The following PDGFB variants were observed in gnomAD, a reference collection of about 807,000 sequenced individuals.
The protein encoded by PDGFB is platelet derived growth factor subunit B, also known as platelet-derived growth factor subunit B.
Under a neutral mutation model 29.0 loss-of-function variants are expected in PDGFB, and 6 were observed. The observed-to-expected ratio is 0.21, with a 90% CI of 0.11 to 0.41. PDGFB has a LOEUF of 0.41. Ranked by LOEUF, PDGFB falls within the 10% of genes least tolerant of loss-of-function variation. PDGFB has a pLI of 1.00. For missense variants in PDGFB, 299 were observed against 341.8 expected (o/e 0.87, Z 0.99); for synonymous variants, 144 against 140.8 (o/e 1.02, Z -0.16).
intron 1 of PDGFB, among the ~76,000 whole-genome samples, chr22:39,238,978 A>C (rs1932507712): frequency 6.6e-6 from 1 of 152,240 alleles, no homozygotes; most frequent in African/African-American, 2.4e-5. Flanking sequence ...CCTGTAGCGG[A>C]GGAAAGAGCA....
chr22:39,229,185 G>A (rs1338638773), intron 5 of PDGFB, among the ~76,000 whole-genome samples: 2 of 151,958 alleles, frequency 1.3e-5, no homozygotes, highest in Non-Finnish European at 2.9e-5. Context: ...TCATCTAATC[G>A]TATTAATCAT....
chr22:39,224,097 T>C lies in PDGFB; in HGVS notation c.*1245A>G, dbSNP rs1170818048. 2 of 152,238 alleles carry C rather than the reference T, an allele frequency of 1.3e-5. No individual in the cohort carries two copies. Among genetic ancestry groups the C allele is most frequent in the Non-Finnish European group, 2.9e-5 (2 of 68,086 alleles). 9.4% of individuals were successfully genotyped at this position (152,238 alleles called of 1,614,324 possible). A position where few individuals can be genotyped will look rare whatever the true frequency, so the allele number is the denominator to read the frequency against. On this transcript the variant is annotated 3_prime_UTR_variant, in exon 7 of 7. Transcript: ENST00000331163. The stretch of plus-strand genomic sequence containing the variant: ...AGGGCAGTTGCTGGAGCAGAGGACT[T>C]TGGGAAATGGAGGTCATGTGGACAG...
chr22:39,244,281 G>C lies in PDGFB; in HGVS notation c.-318C>G, dbSNP rs1372805291. 2 of 222,404 alleles carry C rather than the reference G, an allele frequency of 9.0e-6. No individual in the cohort carries two copies. Among genetic ancestry groups the C allele is most frequent in the Non-Finnish European group, 1.8e-5 (2 of 112,138 alleles). The allele number at this position is 222,404 out of a possible 1,614,324, so 13.8% of individuals were successfully genotyped here. ...CGCGAACCAGCCGAGGCGTCTAGCC[G>C]TGTGGGGGCGCCCAGGGGACTCCAA... On this transcript the variant is annotated 5_prime_UTR_variant, in exon 1 of 7. Coordinates refer to ENST00000331163, the MANE Select transcript of PDGFB (RefSeq NM_002608.4). The surrounding 1 kb of genome is among the most constrained non-coding windows in gnomAD (Gnocchi z 4.5).
At chr22:39,228,549 T>A (rs1932220437) in intron 5 of PDGFB, among the ~76,000 whole-genome samples, 1 of 151,928 alleles carries the variant, frequency 6.6e-6, no homozygotes, top group East Asian at 1.9e-4. Context: ...GCTATGATCA[T>A]GCCATTGCAC....
chr22:39,238,176 C>T (rs138089594), intron 1 of PDGFB, among the ~76,000 whole-genome samples: 107 of 152,236 alleles, frequency 7.0e-4, no homozygotes, highest in African/African-American at 2.5e-3. Context: ...TGTGAAAGAG[C>T]CCAGGATAGG....
At chr22:39,236,379 C>A (rs1932442472) in intron 1 of PDGFB, among the ~76,000 whole-genome samples, 1 of 152,204 alleles carries the variant, frequency 6.6e-6, no homozygotes, top group Non-Finnish European at 1.5e-5. Flanking sequence ...CTCCTGGGTA[C>A]AAGAGGTGCT....
chr22:39,237,041 C>T (rs913400722), intron 1 of PDGFB, among the ~76,000 whole-genome samples: 2 of 152,056 alleles, frequency 1.3e-5, no homozygotes, highest in Admixed American at 6.6e-5. Flanking sequence ...TTCCCGGAGC[C>T]GAAGGTCGGG....
rs956302655 is a variant in PDGFB, at chr22:39,231,575, C to T, written c.456+47G>A. On this transcript the variant is annotated intron_variant, in intron 4 of 6. Transcript: ENST00000331163. The surrounding 1 kb of genome is among the most constrained non-coding windows in gnomAD (Gnocchi z 4.3). ...GGTATGAGCCCCAGAAGGGTGGTCT[C>T]CACCCACCACCGGGACCAGCCTCGG... The T allele has an allele frequency of 7.2e-7, 1 of 1,397,668 alleles. No homozygotes were observed. The highest frequency in any genetic ancestry group is 2.1e-5 in the Admixed American group (1 of 47,320). 86.6% of individuals were successfully genotyped at this position (1,397,668 alleles called of 1,614,324 possible).
In PDGFB at chr22:39,231,859, T is replaced by C. The variant is rs1932316833; in HGVS notation, c.251-32A>G. 3.1e-6 allele frequency: 5 copies of C among 1,589,452 alleles called. No individual in the cohort carries two copies. The South Asian group carries it at 5.6e-5, about 18-fold the overall frequency. On this transcript the variant is annotated intron_variant, in intron 3 of 6. Coordinates refer to ENST00000331163, the MANE Select transcript of PDGFB (RefSeq NM_002608.4). This position sits in a 1 kb window ranked among gnomAD's most constrained non-coding sequence, Gnocchi z 4.3. ...GGAGACGAAACCTGGGTCAGGAGCGTAGGCCTGTCCAGAGTCCCCCCACTT... is the reference window on the plus strand; with the variant it reads ...GGAGACGAAACCTGGGTCAGGAGCGCAGGCCTGTCCAGAGTCCCCCCACTT...
intron 4 of PDGFB, among the ~76,000 whole-genome samples, chr22:39,230,445 A>T (rs1932272304): frequency 6.6e-6 from 1 of 152,162 alleles, no homozygotes; most frequent in African/African-American, 2.4e-5. Flanking sequence ...AGCCCTCCCG[A>T]CCTGGGGCCC....
chr22:39,230,371 G>T lies in PDGFB; in HGVS notation c.457-143C>A, dbSNP rs868162805. On this transcript the variant is annotated intron_variant, in intron 4 of 6. Transcript: ENST00000331163. ...CCGGAGAGCAGGCTGTGGGGCAAAA[G>T]CTTTGGCCCAAACAATAGCAGGACC... 5 of 744,022 alleles carry T rather than the reference G, an allele frequency of 6.7e-6. No homozygotes were observed. In the East Asian group the frequency reaches 8.0e-5, roughly 12 times the overall value. The allele number at this position is 744,022 out of a possible 1,614,324, so 46.1% of individuals were successfully genotyped here.
Position 39,244,014 on chromosome 22 carries a change from G to T in PDGFB, c.-51C>A. On this transcript the variant is annotated 5_prime_UTR_variant, in exon 1 of 7. Transcript: ENST00000331163. The surrounding 1 kb of genome is among the most constrained non-coding windows in gnomAD (Gnocchi z 4.5). Reference sequence around the variant, plus strand: ...GGCCCCGGACGCGTAGATCGAGCGCGCCGCCCCCGCGGCCAGGGTGGGGGG... The same window carrying T: ...GGCCCCGGACGCGTAGATCGAGCGCTCCGCCCCCGCGGCCAGGGTGGGGGG... 1 of 668,042 alleles carries T rather than the reference G, an allele frequency of 1.5e-6. No homozygotes were observed. The highest frequency in any genetic ancestry group is 2.3e-6 in the Non-Finnish European group (1 of 433,718). 41.4% of individuals were successfully genotyped at this position (668,042 alleles called of 1,614,324 possible). A position where few individuals can be genotyped will look rare whatever the true frequency, so the allele number is the denominator to read the frequency against.
At chr22:39,240,226 T>C (rs1015291768) in intron 1 of PDGFB, among the ~76,000 whole-genome samples, 1 of 151,894 alleles carries the variant, frequency 6.6e-6, no homozygotes, top group Non-Finnish European at 1.5e-5. Flanking sequence ...GAGGAACCAG[T>C]CCAGCCATTT....
At position 39,244,782 on chromosome 22, in the gene PDGFB, A is replaced by G; in HGVS notation, c.-819T>C. The G allele has an allele frequency of 5.3e-6, 1 of 188,282 alleles. No homozygotes were observed. The allele number at this position is 188,282 out of a possible 1,614,324, so 11.7% of individuals were successfully genotyped here. A position where few individuals can be genotyped will look rare whatever the true frequency, so the allele number is the denominator to read the frequency against. ...GCGGCTGCTCCGGTTTTCTCTTTGC[A>G]GCGAGGCTGGAGGGTGGGCTTTTTT... On this transcript the variant is annotated 5_prime_UTR_variant, in exon 1 of 7. Transcript: ENST00000331163. The surrounding 1 kb of genome is among the most constrained non-coding windows in gnomAD (Gnocchi z 4.5).
rs369782393 is a variant in PDGFB, at chr22:39,230,241, G to A, written c.457-13C>T. On this transcript the variant is annotated splice_polypyrimidine_tract_variant and intron_variant, in intron 4 of 6. Transcript: ENST00000331163. ...CGATCTTTCTCACCTGGAGGACAGAGCCACAAAATGCCTCTGTAGAGACCA... is the reference window on the plus strand; with the variant it reads ...CGATCTTTCTCACCTGGAGGACAGAACCACAAAATGCCTCTGTAGAGACCA... The A allele has an allele frequency of 9.3e-6, 15 of 1,613,050 alleles. No individual in the cohort carries two copies. The highest frequency in any genetic ancestry group is 1.6e-4 in the Middle Eastern group (1 of 6,082).
chr22:39,225,985 A>T, intron 5 of PDGFB, 138 bp from the exon 6 acceptor site: 1 of 936,304 alleles, frequency 1.1e-6, no homozygotes. Flanking sequence ...CTGGGTTTGG[A>T]TCCCAACTCC....
Position 39,231,844 on chromosome 22 carries a change from C to G in PDGFB, c.251-17G>C. ...TCAGGGAACCTGGGAGGAGACGAAA[C>G]CTGGGTCAGGAGCGTAGGCCTGTCC... On this transcript the variant is annotated splice_polypyrimidine_tract_variant and intron_variant, in intron 3 of 6. Transcript: ENST00000331163. This position sits in a 1 kb window ranked among gnomAD's most constrained non-coding sequence, Gnocchi z 4.3. 1 of 1,608,688 alleles carries G rather than the reference C, an allele frequency of 6.2e-7. No homozygotes were observed. The highest frequency in any genetic ancestry group is 8.5e-7 in the Non-Finnish European group (1 of 1,178,558).
At chr22:39,229,944 GTC>G (rs1569135211) in intron 5 of PDGFB, 138 bp downstream of exon 5, 1 of 1,031,394 alleles carries the variant, frequency 9.7e-7, no homozygotes, top group East Asian at 2.4e-5. Flanking sequence ...CCTGGCTTGT[GTC>G]TCAGCAAGAT....
At chr22:39,235,114 G>A (rs561994652) in intron 2 of PDGFB, among the ~76,000 whole-genome samples, 4 of 152,330 alleles carry the variant, frequency 2.6e-5, no homozygotes, top group South Asian at 4.1e-4. Flanking sequence ...CTGTTCCCCC[G>A]TAGATAGCGT....
Sources: gnomAD v4.1 joint callset for allele counts (sites outside exome capture counted in the v4.1 genomes callset) on GRCh38, gnomAD v4.1.1 for gene constraint, Gnocchi (gnomAD v3.1) non-coding constraint, MANE v1.5 for transcripts, NCBI Gene and HGNC (gene_info 2026-07-23, HGNC 2026-07-21) for gene names.